The following WDR45B variants were observed in gnomAD, a reference collection of about 807,000 sequenced individuals.
WDR45B encodes WD repeat domain 45B.
In WDR45B, 20 loss-of-function variants were observed where a neutral mutation model predicts 44.6. That is an observed-to-expected ratio of 0.45 (90% CI 0.32 to 0.65). The LOEUF is 0.65. Ranked by LOEUF, WDR45B falls within the 30% of genes least tolerant of loss-of-function variation. WDR45B has a pLI of 0.05. For synonymous variants in WDR45B, 169 were observed against 164.9 expected, an observed-to-expected ratio of 1.02 and a Z score of -0.19; for missense variants, 323 against 430.2, an observed-to-expected ratio of 0.75 and a Z score of 2.20.
Position 82,615,871 on chromosome 17 carries a change from G to A in WDR45B, c.*48C>T. 6.4e-7 allele frequency: 1 copy of A among 1,571,298 alleles called. No homozygotes were observed. Among genetic ancestry groups the A allele is most frequent in the Non-Finnish European group, 8.8e-7 (1 of 1,142,582 alleles). On this transcript the variant is annotated 3_prime_UTR_variant, in exon 10 of 10. Coordinates refer to ENST00000392325, the MANE Select transcript of WDR45B (RefSeq NM_019613.4). ...CCTGGGGCACTGGCACCAGCCCCGA[G>A]AGTCTGAAGGCGGCAGGTGGTGGGT...
intron 1 of WDR45B, 75 bp from the exon 2 acceptor site, chr17:82,644,098 C>G (rs1199901520): frequency 1.4e-6 from 2 of 1,423,036 alleles, no homozygotes; most frequent in Non-Finnish European, 2.0e-6. Flanking sequence ...GGAGAAATGA[C>G]AACTACTGAG....
At chr17:82,625,059 A>T (rs2045677368) in intron 5 of WDR45B, among the ~76,000 whole-genome samples, 1 of 152,214 alleles carries the variant, frequency 6.6e-6, no homozygotes, top group Non-Finnish European at 1.5e-5. Flanking sequence ...AATTCAGAAG[A>T]CAAGGGAAGG....
intron 5 of WDR45B, among the ~76,000 whole-genome samples, chr17:82,623,573 C>CT (rs1186973069): frequency 5.9e-5 from 9 of 151,700 alleles, no homozygotes; most frequent in Non-Finnish European, 1.0e-4. Flanking sequence ...GGTGGTGTGC[C>CT]TGTAGTCCCA....
intron 2 of WDR45B, among the ~76,000 whole-genome samples, chr17:82,640,700 C>G (rs185196037): frequency 1.3e-5 from 2 of 152,180 alleles, no homozygotes; most frequent in African/African-American, 4.8e-5. Flanking sequence ...AAGTGCAGAG[C>G]CAAACTGTTT....
chr17:82,640,267 C>T (rs996758608), intron 2 of WDR45B, among the ~76,000 whole-genome samples: 1 of 152,266 alleles, frequency 6.6e-6, no homozygotes, highest in East Asian at 1.9e-4. Flanking sequence ...ATGCAGGCTT[C>T]CTTCCCCACC....
At chr17:82,641,793 G>A (rs2143374858) in intron 2 of WDR45B, among the ~76,000 whole-genome samples, 1 of 152,202 alleles carries the variant, frequency 6.6e-6, no homozygotes, top group East Asian at 1.9e-4. Context: ...AGCTACTCGG[G>A]AGGCTGAGGC....
intron 5 of WDR45B, among the ~76,000 whole-genome samples, chr17:82,622,489 G>C (rs2045632292): frequency 6.6e-6 from 1 of 152,202 alleles, no homozygotes; most frequent in Non-Finnish European, 1.5e-5. Context: ...GGAGTGTACA[G>C]TGGCGTGATC....
chr17:82,634,748 G>A (rs1470087089), intron 2 of WDR45B, among the ~76,000 whole-genome samples: 3 of 151,962 alleles, frequency 2.0e-5, no homozygotes, highest in African/African-American at 7.3e-5. Context: ...TTATGATTTT[G>A]TCAAGATAAG....
In WDR45B at chr17:82,625,339, T is replaced by A. The variant is rs371646266; in HGVS notation, c.427+50A>T. On this transcript the variant is annotated intron_variant, in intron 5 of 9. Coordinates refer to ENST00000392325, the MANE Select transcript of WDR45B (RefSeq NM_019613.4). Reference sequence around the variant, plus strand: ...GAGAAGGGAGTGCCCAGCACAGGCATCTCCATGTGGACCCATTTCCCATCG... The same window carrying A: ...GAGAAGGGAGTGCCCAGCACAGGCAACTCCATGTGGACCCATTTCCCATCG... The A allele has an allele frequency of 3.0e-5, 46 of 1,555,004 alleles. No homozygotes were observed. The African/African-American group carries it at 4.2e-4, about 14-fold the overall frequency.
chr17:82,640,969 G>GTTT (rs398031785), intron 2 of WDR45B, among the ~76,000 whole-genome samples: 2,646 of 131,796 alleles, frequency 0.02, 95 homozygotes, highest in Non-Finnish European at 0.031. Context: ...TCTTGTCTGG[G>GTTT]TTTTTTTTTT....
At chr17:82,638,673 C>T (rs892192760) in intron 2 of WDR45B, among the ~76,000 whole-genome samples, 1 of 151,930 alleles carries the variant, frequency 6.6e-6, no homozygotes, top group Non-Finnish European at 1.5e-5. Flanking sequence ...TTATTTTTGC[C>T]TCTGTCATGT....
intron 2 of WDR45B, among the ~76,000 whole-genome samples, chr17:82,637,211 T>C (rs1406289696): frequency 6.6e-6 from 1 of 151,952 alleles, no homozygotes; most frequent in Non-Finnish European, 1.5e-5. Context: ...GATGTCAGCG[T>C]CTACATCTCT....
At chr17:82,635,090 T>C (rs931490239) in intron 2 of WDR45B, among the ~76,000 whole-genome samples, 3 of 152,026 alleles carry the variant, frequency 2.0e-5, no homozygotes, top group Non-Finnish European at 4.4e-5. Flanking sequence ...TTAACAACAA[T>C]GTGAATATAT....
At chr17:82,642,552 C>A (rs376846022) in intron 2 of WDR45B, among the ~76,000 whole-genome samples, 4 of 152,180 alleles carry the variant, frequency 2.6e-5, no homozygotes, top group African/African-American at 9.7e-5. Flanking sequence ...GCTGTGGGAA[C>A]CCCAACTTGA....
intron 4 of WDR45B, 77 bp from the exon 5 acceptor site, chr17:82,625,560 A>G (rs1407347257): frequency 7.6e-7 from 1 of 1,317,836 alleles, no homozygotes; most frequent in African/African-American, 1.5e-5. Flanking sequence ...TTCTTATCAT[A>G]CTGAAACTGA....
intron 7 of WDR45B, among the ~76,000 whole-genome samples, chr17:82,617,830 G>A (rs2045559693): frequency 1.3e-5 from 2 of 152,302 alleles, no homozygotes; most frequent in Non-Finnish European, 1.5e-5. Context: ...TTGGCCGTGT[G>A]CTGTCTGTTC....
chr17:82,625,488 A>G lies in WDR45B; in HGVS notation c.333-5T>C. On this transcript the variant is annotated splice_region_variant and splice_polypyrimidine_tract_variant and intron_variant, in intron 4 of 9. Coordinates refer to ENST00000392325, the MANE Select transcript of WDR45B (RefSeq NM_019613.4). ...GAGTCCAAAACCACCACAATTCTGG[A>G]AAGAAAAACATGATCAGAGTTGCTT... 1 of 1,614,014 alleles carries G rather than the reference A, an allele frequency of 6.2e-7. No individual in the cohort carries two copies. Among genetic ancestry groups the G allele is most frequent in the Non-Finnish European group, 8.5e-7 (1 of 1,179,852 alleles).
chr17:82,621,741 G>A lies in WDR45B; in HGVS notation c.486C>T (p.His162=). Residue 162 remains histidine (H), a synonymous_variant, in exon 6 of 10, where the codon CAC becomes CAT. Transcript: ENST00000392325. ...NNSLLAFPGT[H]TGHVQLVDLA... is the part of the protein sequence containing the mutation. The stretch of plus-strand genomic sequence containing the variant: ...GGTCCACAAGCTGCACATGGCCCGT[G>A]TGCGTGCCCGGAAAGGCCAGGAGGG... 2.5e-6 allele frequency: 4 copies of A among 1,614,210 alleles called. No individual in the cohort carries two copies. The highest frequency in any genetic ancestry group is 2.2e-5 in the South Asian group (2 of 91,078).
intron 7 of WDR45B, 190 bp from the exon 8 acceptor site, chr17:82,617,587 C>A: frequency 1.5e-6 from 1 of 646,550 alleles, no homozygotes; most frequent in Non-Finnish European, 2.8e-6. Flanking sequence ...AGCCACAAAG[C>A]CACAGCCACA....
Sources: gnomAD v4.1 joint callset for allele counts (sites outside exome capture counted in the v4.1 genomes callset) on GRCh38, gnomAD v4.1.1 for gene constraint, MANE v1.5 for transcripts, NCBI Gene and HGNC (gene_info 2026-07-23, HGNC 2026-07-21) for gene names.